Variants in VPS35 observed in about 807,000 individuals in gnomAD.
VPS35 encodes the protein vacuolar protein sorting-associated protein 35.
In VPS35, 21 loss-of-function variants were observed where a neutral mutation model predicts 98.1. That is an observed-to-expected ratio of 0.21 (90% CI 0.15 to 0.31). VPS35 has a LOEUF of 0.31. VPS35 is among the 10% of genes least tolerant of loss of function. VPS35 has a pLI of 1.00. For missense variants in VPS35, 554 were observed against 950.8 expected (o/e 0.58, Z 5.49); for synonymous variants, 268 against 318.2 (o/e 0.84, Z 1.68).
Position 46,681,575 on chromosome 16 carries a change from TACTA to T in VPS35, c.200-79_200-76del. 2.0e-6 allele frequency: 3 copies of T among 1,525,020 alleles called. No individual in the cohort carries two copies. In the East Asian group the frequency reaches 6.9e-5, roughly 35 times the overall value. The allele number at this position is 1,525,020 out of a possible 1,614,324, so 94.5% of individuals were successfully genotyped here. On this transcript the variant is annotated intron_variant, in intron 3 of 16. Transcript: ENST00000299138. ...AAACTTTGAAACTTGTTGGAGTCAT[TACTA>T]ACTACTGGGCAGACATCTTAAGTTT...
At chr16:46,683,452 A>G in intron 2 of VPS35, 56 bp downstream of exon 2, 1 of 1,514,786 alleles carries the variant, frequency 6.6e-7, no homozygotes, top group Non-Finnish European at 9.1e-7. Flanking sequence ...GACACTGCAC[A>G]TGCTTCCTTA....
At position 46,680,668 on chromosome 16, in the gene VPS35, T is replaced by A. The variant is rs767778123; in HGVS notation, c.506+3A>T. ...AACAAAATTAAGAAAGAAAATCACT[T>A]ACTCTGTTGGCTCTCCTTCATCAGG... On this transcript the variant is annotated splice_donor_region_variant and intron_variant, in intron 5 of 16. Coordinates refer to ENST00000299138, the MANE Select transcript of VPS35 (RefSeq NM_018206.6). The A allele has an allele frequency of 6.2e-7, 1 of 1,613,516 alleles. No homozygotes were observed. Among genetic ancestry groups the A allele is most frequent in the Non-Finnish European group, 8.5e-7 (1 of 1,179,658 alleles).
intron 5 of VPS35, among the ~76,000 whole-genome samples, chr16:46,679,366 A>G (rs1966199010): frequency 6.6e-6 from 1 of 152,216 alleles, no homozygotes; most frequent in South Asian, 2.1e-4. Context: ...TTTAAAGGGC[A>G]AATTACTTTC....
At position 46,660,619 on chromosome 16, in the gene VPS35, T is replaced by C; in HGVS notation, c.2244A>G (p.Gln748=). ...VTIQVLNQLI[Q]KIREDLPNLE... is the part of the protein sequence containing the mutation. ...GATTCGGGAGGTCTTCTCGAATCTTTTGGATAAGCTGGTTTAAAACCTGAA... is the reference window on the plus strand; with the variant it reads ...GATTCGGGAGGTCTTCTCGAATCTTCTGGATAAGCTGGTTTAAAACCTGAA... The change falls in exon 17 of 17, where the codon CAA becomes CAG. Residue 748 remains glutamine, a synonymous_variant. Transcript: ENST00000299138. The C allele has an allele frequency of 6.2e-7, 1 of 1,614,030 alleles. No homozygotes were observed. Among genetic ancestry groups the C allele is most frequent in the Non-Finnish European group, 8.5e-7 (1 of 1,180,006 alleles).
chr16:46,676,555 T>C, intron 8 of VPS35, 28 bp downstream of exon 8: 1 of 1,367,000 alleles, frequency 7.3e-7, no homozygotes, highest in Non-Finnish European at 1.0e-6. Context: ...AGTCAGAGCA[T>C]TTATCCGCCA....
At chr16:46,686,507 T>G (rs1966317873) in intron 1 of VPS35, among the ~76,000 whole-genome samples, 1 of 152,192 alleles carries the variant, frequency 6.6e-6, no homozygotes, top group Non-Finnish European at 1.5e-5. Flanking sequence ...AAATACAAAA[T>G]GTTGAAGATT....
Position 46,663,862 on chromosome 16 carries a change from A to ATTTTTTTTTTTTTTTTTTTTT in VPS35, c.1648-721_1648-701dup, listed in dbSNP as rs546485076. Among the ~76,000 whole-genome samples, 20 of 28,686 alleles carry ATTTTTTTTTTTTTTTTTTTTT rather than the reference A, an allele frequency of 7.0e-4. 5 individuals are homozygous for ATTTTTTTTTTTTTTTTTTTTT. Among genetic ancestry groups the ATTTTTTTTTTTTTTTTTTTTT allele is most frequent in the Non-Finnish European group, 8.3e-4 (14 of 16,858 alleles). The allele number at this position is 28,686 out of a possible 152,430, so 18.8% of individuals were successfully genotyped here. The stretch of plus-strand genomic sequence containing the variant: ...AGGCTTGCATCACCACACCTGGCTA[A>ATTTTTTTTTTTTTTTTTTTTT]TTTTTTTTTTTTTTTTTTTTTTTTT... On this transcript the variant is annotated intron_variant, in intron 13 of 16. Coordinates refer to ENST00000299138, the MANE Select transcript of VPS35 (RefSeq NM_018206.6).
At chr16:46,666,761 CTGAG>C (rs1351316984) in intron 13 of VPS35, among the ~76,000 whole-genome samples, 1 of 152,208 alleles carries the variant, frequency 6.6e-6, no homozygotes, top group South Asian at 2.1e-4. Flanking sequence ...ATTTCTATAG[CTGAG>C]TATTATTCTA....
At chr16:46,681,741 T>C (rs1402151992) in intron 3 of VPS35, 1 of 558,058 alleles carries the variant, frequency 1.8e-6, no homozygotes, top group Non-Finnish European at 3.2e-6. Context: ...CTAATGGGTT[T>C]TGAAATGGCA....
chr16:46,672,249 G>GT lies in VPS35; in HGVS notation c.1368+15dup. 6.2e-7 allele frequency: 1 copy of GT among 1,606,362 alleles called. No individual in the cohort carries two copies. The highest frequency in any genetic ancestry group is 1.3e-5 in the African/African-American group (1 of 74,842). On this transcript the variant is annotated intron_variant, in intron 11 of 16. Coordinates refer to ENST00000299138, the MANE Select transcript of VPS35 (RefSeq NM_018206.6). The stretch of plus-strand genomic sequence containing the variant: ...TAACACTGTTTCCCTAAAATAGCAC[G>GT]TAGGTATTCTCTTACCTGGTCTTGA...
At position 46,680,705 on chromosome 16, in the gene VPS35, T is replaced by C; in HGVS notation, c.472A>G (p.Arg158Gly). 1 of 1,613,992 alleles carries C rather than the reference T, an allele frequency of 6.2e-7. No individual in the cohort carries two copies. Reference sequence around the variant, plus strand: ...TCTCCTTCATCAGGTAAGATATTTCTGGTACACTGAAGAAGGTAATTTCGA... The same window carrying C: ...TCTCCTTCATCAGGTAAGATATTTCCGGTACACTGAAGAAGGTAATTTCGA... ...FLRNYLLQCT[R>G]NILPDEGEPT... Residue 158 changes from arginine to glycine, a missense_variant, in exon 5 of 17, where the codon AGA becomes GGA. Coordinates refer to ENST00000299138, the MANE Select transcript of VPS35 (RefSeq NM_018206.6).
At chr16:46,662,197 C>A in intron 15 of VPS35, 46 bp downstream of exon 15, 1 of 1,613,612 alleles carries the variant, frequency 6.2e-7, no homozygotes, top group South Asian at 1.1e-5. Context: ...CAACTGATCC[C>A]TGTTATGGAT....
intron 13 of VPS35, among the ~76,000 whole-genome samples, chr16:46,665,257 C>A (rs1288920444): frequency 6.6e-6 from 1 of 152,134 alleles, no homozygotes; most frequent in Non-Finnish European, 1.5e-5. Context: ...ATTGACTATC[C>A]AAATTTCTTC....
In VPS35 at chr16:46,679,809, A is replaced by C. The variant is rs561970088; in HGVS notation, c.507-653T>G. On this transcript the variant is annotated intron_variant, in intron 5 of 16. Transcript: ENST00000299138. ...CACTCAAAACATAATAAAGCAAGTAACTTCATCAATTTCTCTACATTGTTA... is the reference window on the plus strand; with the variant it reads ...CACTCAAAACATAATAAAGCAAGTACCTTCATCAATTTCTCTACATTGTTA... 2.0e-5 allele frequency among the ~76,000 whole-genome samples: 3 copies of C among 152,310 alleles called. No individual in the cohort carries two copies. In the East Asian group the frequency reaches 5.8e-4, roughly 29 times the overall value.
chr16:46,678,834 T>C, intron 6 of VPS35, 109 bp downstream of exon 6: 20 of 1,142,584 alleles, frequency 1.8e-5, no homozygotes, highest in Non-Finnish European at 2.4e-5. Context: ...ATAACAGCCA[T>C]TTTAAGATGT....
intron 11 of VPS35, 152 bp from the exon 12 acceptor site, chr16:46,672,012 C>T (rs1446988438): frequency 1.9e-6 from 2 of 1,068,404 alleles, no homozygotes; most frequent in Non-Finnish European, 2.8e-6. Flanking sequence ...GTATGTCATA[C>T]ACACATATAC....
intron 3 of VPS35, 55 bp downstream of exon 3, chr16:46,682,024 C>G: frequency 1.4e-6 from 2 of 1,403,540 alleles, no homozygotes; most frequent in Admixed American, 3.4e-5. Context: ...CAAAATAGGC[C>G]TTATCAAGAA....
chr16:46,681,472 G>A lies in VPS35; in HGVS notation c.228C>T (p.Tyr76=). ...LYMAISDELH[Y]LEVYLTDEFA... is the part of the protein sequence containing the mutation. ...ACTCATCTGTCAGGTAGACCTCCAA[G>A]TAGTGCAGTTCATCAGAAATGGCCA... The change falls in exon 4 of 17, where the codon TAC becomes TAT. Residue 76 remains tyrosine (Y), a synonymous_variant. Coordinates refer to ENST00000299138, the MANE Select transcript of VPS35 (RefSeq NM_018206.6). 6.2e-7 allele frequency: 1 copy of A among 1,613,178 alleles called. No homozygotes were observed. The highest frequency in any genetic ancestry group is 8.5e-7 in the Non-Finnish European group (1 of 1,179,612).
intron 6 of VPS35, 76 bp from the exon 7 acceptor site, chr16:46,677,474 G>C: frequency 8.5e-7 from 1 of 1,176,880 alleles, no homozygotes; most frequent in Non-Finnish European, 1.3e-6. Flanking sequence ...TAACGCATTT[G>C]AACTACTAAC....
Sources: allele counts gnomAD v4.1 joint callset (sites outside exome capture counted in the v4.1 genomes callset), GRCh38; gene constraint gnomAD v4.1.1; transcripts MANE v1.5; gene names NCBI Gene and HGNC (gene_info 2026-07-23, HGNC 2026-07-21).